SLIT2: variants seen among roughly 807,000 people sequenced by gnomAD.
The protein encoded by SLIT2 is slit homolog 2 protein.
In SLIT2, 41 loss-of-function variants were observed where a neutral mutation model predicts 185.7. The ratio of observed to expected loss-of-function variants is 0.22; its 90% CI spans 0.17 to 0.29. The LOEUF (loss-of-function observed/expected upper bound fraction) is 0.29, where lower values mean the gene tolerates loss of function less well. SLIT2 is among the 10% of genes least tolerant of loss of function. The probability of loss-of-function intolerance (pLI) is 1.00; values close to 1 mark genes in which losing one functional copy is unlikely to be tolerated. For missense variants in SLIT2, 1,571 were observed against 1,909.0 expected, an observed-to-expected ratio of 0.82 and a Z score of 3.30; for synonymous variants, 693 against 680.2, an observed-to-expected ratio of 1.02 and a Z score of -0.29.
rs995817005 is a variant in SLIT2, at chr4:20,528,836, A to G, written c.1463-113A>G. On this transcript the variant is annotated intron_variant, in intron 15 of 36. Coordinates refer to ENST00000504154, the MANE Select transcript of SLIT2 (RefSeq NM_004787.4). The surrounding 1 kb of genome is among the most constrained non-coding windows in gnomAD (Gnocchi z 4.2). The stretch of plus-strand genomic sequence containing the variant: ...GACATCCATTGACCAAAATACCCCA[A>G]GTTGTCTCCCTGCTACATAATCTAT... 2.5e-6 allele frequency: 2 copies of G among 784,380 alleles called. No individual in the cohort carries two copies. Among genetic ancestry groups the G allele is most frequent in the Non-Finnish European group, 3.9e-6 (2 of 511,312 alleles). 48.6% of individuals were successfully genotyped at this position (784,380 alleles called of 1,614,324 possible). A position where few individuals can be genotyped will look rare whatever the true frequency, so the allele number is the denominator to read the frequency against.
At chr4:20,461,336 A>C (rs893855839) in intron 4 of SLIT2, among the ~76,000 whole-genome samples, 2 of 152,194 alleles carry the variant, frequency 1.3e-5, no homozygotes, top group Non-Finnish European at 2.9e-5. Flanking sequence ...AGAGAATGAG[A>C]GTTTGCAGGT....
At chr4:20,592,489 T>C (rs775644280) in intron 30 of SLIT2, among the ~76,000 whole-genome samples, 12 of 152,148 alleles carry the variant, frequency 7.9e-5, no homozygotes, top group Non-Finnish European at 1.5e-4. Context: ...TGAAACTCAG[T>C]CTGAGGAGCA....
At chr4:20,431,414 G>A (rs944739246) in intron 4 of SLIT2, among the ~76,000 whole-genome samples, 1 of 151,884 alleles carries the variant, frequency 6.6e-6, no homozygotes, top group Non-Finnish European at 1.5e-5. Flanking sequence ...TTTTTTTAAA[G>A]ACAGAGCAGC....
chr4:20,418,396 A>C (rs1415671953), intron 4 of SLIT2, among the ~76,000 whole-genome samples: 1 of 152,228 alleles, frequency 6.6e-6, no homozygotes, highest in Non-Finnish European at 1.5e-5. Flanking sequence ...TATCTATGTA[A>C]GGTCCTAGTT....
rs1711602235 is a variant in SLIT2, at chr4:20,254,839, T to TGCGCCCCTTCACGTGGCAGCAGTTCCC, written c.179+846_179+872dup. 1.4e-5 allele frequency: 6 copies of TGCGCCCCTTCACGTGGCAGCAGTTCCC among 437,858 alleles called. No homozygotes were observed. Among genetic ancestry groups the TGCGCCCCTTCACGTGGCAGCAGTTCCC allele is most frequent in the South Asian group, 9.9e-5 (6 of 60,642 alleles). The allele number at this position is 437,858 out of a possible 1,614,324, so 27.1% of individuals were successfully genotyped here. The stretch of plus-strand genomic sequence containing the variant: ...CCCCATCCACCTTTCTGGCAGTTTC[T>TGCGCCCCTTCACGTGGCAGCAGTTCCC]GCGCCCCTTCACGTGGCAGCAGTTC... On this transcript the variant is annotated intron_variant, in intron 1 of 36. Coordinates refer to ENST00000504154, the MANE Select transcript of SLIT2 (RefSeq NM_004787.4). The surrounding 1 kb of genome is among the most constrained non-coding windows in gnomAD (Gnocchi z 5.1).
intron 8 of SLIT2, among the ~76,000 whole-genome samples, chr4:20,490,147 A>G (rs1417467788): frequency 6.6e-6 from 1 of 152,210 alleles, no homozygotes; most frequent in Non-Finnish European, 1.5e-5. Context: ...GCTGTGTCTA[A>G]TATCAATCAA....
At chr4:20,335,560 T>C (rs1720423095) in intron 4 of SLIT2, among the ~76,000 whole-genome samples, 1 of 152,102 alleles carries the variant, frequency 6.6e-6, no homozygotes, top group African/African-American at 2.4e-5. Context: ...CAAAAAATTG[T>C]TTTGAAGTTG....
intron 4 of SLIT2, among the ~76,000 whole-genome samples, chr4:20,326,720 T>C (rs950189086): frequency 1.3e-4 from 20 of 151,408 alleles, no homozygotes; most frequent in African/African-American, 4.6e-4. Flanking sequence ...CCTTATTTGT[T>C]TGACATGTTG....
At chr4:20,556,437 A>G (rs1171130429) in intron 26 of SLIT2, among the ~76,000 whole-genome samples, 1 of 152,082 alleles carries the variant, frequency 6.6e-6, no homozygotes, top group East Asian at 1.9e-4. Context: ...CTTAAAGTTT[A>G]TAATTCCCTA....
intron 4 of SLIT2, among the ~76,000 whole-genome samples, chr4:20,438,348 T>C (rs1467201257): frequency 6.6e-5 from 10 of 152,196 alleles, no homozygotes; most frequent in Non-Finnish European, 1.5e-4. Context: ...CTCACAATCA[T>C]GGCAGAAGGC....
intron 5 of SLIT2, among the ~76,000 whole-genome samples, chr4:20,479,695 G>A (rs1282394843): frequency 6.6e-6 from 1 of 151,690 alleles, no homozygotes; most frequent in Non-Finnish European, 1.5e-5. Context: ...CCAAGTAGAA[G>A]GCTCAATATG....
chr4:20,566,861 A>G (rs1725132986), intron 26 of SLIT2, among the ~76,000 whole-genome samples: 1 of 151,972 alleles, frequency 6.6e-6, no homozygotes, highest in African/African-American at 2.4e-5. Context: ...CTCACCCCAC[A>G]CCACACCCAC....
chr4:20,573,938 TTTTATTTA>T (rs10673597), intron 29 of SLIT2, among the ~76,000 whole-genome samples: 159 of 140,768 alleles, frequency 1.1e-3, no homozygotes, highest in Middle Eastern at 3.6e-3. Flanking sequence ...CATAGAATTA[TTTTATTTA>T]TTTATTTATT....
intron 4 of SLIT2, among the ~76,000 whole-genome samples, chr4:20,429,809 G>T (rs1313237695): frequency 2.0e-5 from 3 of 152,166 alleles, no homozygotes; most frequent in Non-Finnish European, 4.4e-5. Context: ...ATAGCAGTGA[G>T]TGAAGAAGAG....
In SLIT2 at chr4:20,514,692, C is replaced by T. The variant is rs138590409; in HGVS notation, c.1058+3555C>T. On this transcript the variant is annotated intron_variant, in intron 11 of 36. Transcript: ENST00000504154. The stretch of plus-strand genomic sequence containing the variant: ...TTCAAGTTATTAGATCACCAAATTT[C>T]ATCTCTTAGAGATAAGTGGACTTGA... Among the ~76,000 whole-genome samples the T allele has an allele frequency of 3.6e-3, 538 of 148,472 alleles. 1 individual carries two copies. Among genetic ancestry groups the T allele is most frequent in the African/African-American group, 0.012 (505 of 41,302 alleles).
intron 4 of SLIT2, among the ~76,000 whole-genome samples, chr4:20,317,047 A>G (rs1439212898): frequency 6.6e-6 from 1 of 151,772 alleles, no homozygotes; most frequent in Admixed American, 6.6e-5. Flanking sequence ...GATTAAAAAA[A>G]AAAAAGTATC....
intron 4 of SLIT2, among the ~76,000 whole-genome samples, chr4:20,325,512 A>G (rs1026947229): frequency 1.3e-5 from 2 of 152,036 alleles, no homozygotes; most frequent in Non-Finnish European, 2.9e-5. Context: ...TACCTGCAAC[A>G]TTAACAAGTG....
chr4:20,431,110 C>T (rs1259289168), intron 4 of SLIT2, among the ~76,000 whole-genome samples: 1 of 152,214 alleles, frequency 6.6e-6, no homozygotes, highest in Non-Finnish European at 1.5e-5. Context: ...TAATATTTTT[C>T]TCAGGCCCCA....
intron 4 of SLIT2, among the ~76,000 whole-genome samples, chr4:20,283,655 A>G (rs962785932): frequency 2.0e-5 from 3 of 152,216 alleles, no homozygotes; most frequent in African/African-American, 7.2e-5. Flanking sequence ...TGGGGTCACC[A>G]ATTTTTATTT....
Sources: allele counts gnomAD v4.1 joint callset (sites outside exome capture counted in the v4.1 genomes callset), GRCh38; gene constraint gnomAD v4.1.1; non-coding constraint Gnocchi (gnomAD v3.1); transcripts MANE v1.5; gene names NCBI Gene and HGNC (gene_info 2026-07-23, HGNC 2026-07-21).